ASPRV1: variants seen among roughly 807,000 people sequenced by gnomAD.
ASPRV1 encodes the protein retroviral-like aspartic protease 1.
ASPRV1 carries 7 observed loss-of-function variants against 11.0 expected under a neutral mutation model. That is an observed-to-expected ratio of 0.64 (90% CI 0.36 to 1.20). The LOEUF (loss-of-function observed/expected upper bound fraction) is 1.20. Among genes scored for constraint, ASPRV1 ranks in the 50% most tolerant of loss-of-function variants. The pLI is 0.02. For missense variants in ASPRV1, 299 were observed against 320.0 expected (o/e 0.93, Z 0.50); for synonymous variants, 136 against 138.4 (o/e 0.98, Z 0.12).
At chr2:70,048,212 G>A in the ASPRV1 span, among the ~76,000 whole-genome samples, 4 of 149,042 alleles carry the variant, frequency 2.7e-5, no homozygotes, top group African/African-American at 5.0e-5. Context: ...TCAGGAGATC[G>A]AGACCATCCT....
At chr2:70,046,326 CCTTT>C in the ASPRV1 span, 6 of 152,146 alleles carry the variant, frequency 3.9e-5, no homozygotes, top group Non-Finnish European at 7.3e-5. Flanking sequence ...TAGCATCACG[CCTTT>C]CTTTAAATGG....
At chr2:69,937,278 A>G in the ASPRV1 span, 3 of 1,614,190 alleles carry the variant, frequency 1.9e-6, no homozygotes, top group Admixed American at 1.7e-5. Context: ...CAAATCGACC[A>G]GCTTCAGCGA....
At chr2:70,061,101 A>C in the ASPRV1 span, among the ~76,000 whole-genome samples, 3 of 152,024 alleles carry the variant, frequency 2.0e-5, no homozygotes, top group Admixed American at 6.5e-5. Flanking sequence ...TTGACAATTA[A>C]AGGCAAAGGA....
At chr2:70,063,055 G>C in the ASPRV1 span, among the ~76,000 whole-genome samples, 1 of 152,142 alleles carries the variant, frequency 6.6e-6, no homozygotes. Flanking sequence ...TGCCCAGTCT[G>C]TGCACATAAC....
At chr2:70,080,601 T>C in the ASPRV1 span, among the ~76,000 whole-genome samples, 2 of 152,180 alleles carry the variant, frequency 1.3e-5, no homozygotes, top group Non-Finnish European at 2.9e-5. Flanking sequence ...ATTTACATTT[T>C]CTCCTTAGAA....
the ASPRV1 span, among the ~76,000 whole-genome samples, chr2:69,952,870 C>T: frequency 6.6e-6 from 1 of 152,196 alleles, no homozygotes; most frequent in African/African-American, 2.4e-5. Flanking sequence ...ACAAATGCCC[C>T]TAAGTCCTGT....
the ASPRV1 span, among the ~76,000 whole-genome samples, chr2:70,068,324 C>A: frequency 6.6e-6 from 1 of 152,128 alleles, no homozygotes; most frequent in East Asian, 1.9e-4. Flanking sequence ...TACAGTCAGG[C>A]AAAGTCAGGG....
chr2:69,938,232 G>C, the ASPRV1 span: 18 of 1,614,084 alleles, frequency 1.1e-5, no homozygotes, highest in Non-Finnish European at 1.5e-5. Context: ...TCCAGCACCA[G>C]CATCAAGAGA....
the ASPRV1 span, among the ~76,000 whole-genome samples, chr2:69,993,174 C>T: frequency 1.3e-5 from 2 of 152,202 alleles, no homozygotes; most frequent in African/African-American, 4.8e-5. Flanking sequence ...CTGGCTCAGG[C>T]CACGTAGCGA....
At chr2:70,021,966 A>G in the ASPRV1 span, among the ~76,000 whole-genome samples, 1 of 151,692 alleles carries the variant, frequency 6.6e-6, no homozygotes, top group African/African-American at 2.4e-5. Flanking sequence ...AGCCTCTCAA[A>G]GTGCTGGGAT....
the ASPRV1 span, chr2:69,938,519 A>G: frequency 2.1e-6 from 1 of 473,594 alleles, no homozygotes; most frequent in Non-Finnish European, 3.8e-6. Flanking sequence ...ATACATTCCA[A>G]TCAATTTGAA....
At chr2:69,937,482 T>C in the ASPRV1 span, 1 of 1,232,190 alleles carries the variant, frequency 8.1e-7, no homozygotes, top group Non-Finnish European at 1.1e-6. Context: ...AGGCAGAGTG[T>C]AAGAAGAACT....
the ASPRV1 span, chr2:69,941,262 T>C: frequency 6.6e-6 from 1 of 152,248 alleles, no homozygotes; most frequent in East Asian, 1.9e-4. Context: ...TATGTGTGCT[T>C]CTGTAACATC....
chr2:69,945,178 T>A, the ASPRV1 span, among the ~76,000 whole-genome samples: 1 of 152,046 alleles, frequency 6.6e-6, no homozygotes, highest in African/African-American at 2.4e-5. Context: ...GGTCGAAGCT[T>A]CTTTGAGCTA....
the ASPRV1 span, among the ~76,000 whole-genome samples, chr2:70,076,087 G>A: frequency 6.8e-6 from 1 of 146,384 alleles, no homozygotes; most frequent in African/African-American, 2.6e-5. Context: ...TTTGGATCTA[G>A]GGAAGAATCA....
At chr2:70,082,089 C>T in the ASPRV1 span, among the ~76,000 whole-genome samples, 1 of 152,072 alleles carries the variant, frequency 6.6e-6, no homozygotes, top group Non-Finnish European at 1.5e-5. Flanking sequence ...ATTCACATGC[C>T]TCAGCCTCCC....
the ASPRV1 span, among the ~76,000 whole-genome samples, chr2:70,058,501 C>A: frequency 1.3e-5 from 2 of 152,058 alleles, no homozygotes; most frequent in African/African-American, 4.8e-5. Flanking sequence ...GTCAGCCTAC[C>A]AAAGTGCTAC....
chr2:70,025,101 T>C, the ASPRV1 span, among the ~76,000 whole-genome samples: 1 of 152,242 alleles, frequency 6.6e-6, no homozygotes, highest in Non-Finnish European at 1.5e-5. Context: ...TTGTTATTAT[T>C]TTCATACCAG....
the ASPRV1 span, among the ~76,000 whole-genome samples, chr2:69,988,232 T>C: frequency 1.3e-5 from 2 of 152,208 alleles, no homozygotes; most frequent in African/African-American, 4.8e-5. Flanking sequence ...ACAGCAGCAT[T>C]ATTGGTTTGC....
Sources: allele counts gnomAD v4.1 joint callset (sites outside exome capture counted in the v4.1 genomes callset), GRCh38; gene constraint gnomAD v4.1.1; transcripts MANE v1.5; gene names NCBI Gene and HGNC (gene_info 2026-07-23, HGNC 2026-07-21).